CAMTA1: variants seen among roughly 807,000 people sequenced by gnomAD.
The protein encoded by CAMTA1 is calmodulin binding transcription activator 1.
CAMTA1 carries 27 observed loss-of-function variants against 170.9 expected under a neutral mutation model. The ratio of observed to expected loss-of-function variants is 0.16; its 90% CI spans 0.12 to 0.22. The LOEUF (loss-of-function observed/expected upper bound fraction) is 0.22. CAMTA1 is among the 10% of genes least tolerant of loss of function. The pLI is 1.00. For missense variants in CAMTA1, 1,619 were observed against 2,217.2 expected, an observed-to-expected ratio of 0.73 and a Z score of 5.42; for synonymous variants, 833 against 891.5, an observed-to-expected ratio of 0.93 and a Z score of 1.17.
At chr1:6,862,711 C>T (rs1054784621) in intron 3 of CAMTA1, among the ~76,000 whole-genome samples, 2 of 152,170 alleles carry the variant, frequency 1.3e-5, no homozygotes, top group African/African-American at 4.8e-5. Flanking sequence ...CTGTTTCTCT[C>T]CCACTTAGGA....
intron 17 of CAMTA1, among the ~76,000 whole-genome samples, 185 bp downstream of exon 17, chr1:7,745,207 T>A (rs959561501): frequency 1.3e-5 from 2 of 152,114 alleles, no homozygotes; most frequent in African/African-American, 4.8e-5. Flanking sequence ...CTCCCATTAT[T>A]TTTTTTACTG....
chr1:6,973,508 C>T (rs1443929977), intron 3 of CAMTA1, among the ~76,000 whole-genome samples: 1 of 152,216 alleles, frequency 6.6e-6, no homozygotes, highest in Non-Finnish European at 1.5e-5. Flanking sequence ...TCCCACGCTC[C>T]CTTTATGCAC....
intron 3 of CAMTA1, among the ~76,000 whole-genome samples, chr1:7,019,241 G>C (rs1358929307): frequency 6.6e-6 from 1 of 152,238 alleles, no homozygotes; most frequent in East Asian, 1.9e-4. Context: ...GGTTGGGCTG[G>C]GCAGCCTCTG....
At chr1:6,937,188 C>T (rs1386570646) in intron 3 of CAMTA1, among the ~76,000 whole-genome samples, 1 of 150,892 alleles carries the variant, frequency 6.6e-6, no homozygotes, top group Non-Finnish European at 1.5e-5. Flanking sequence ...TCACTGTCAT[C>T]ACCATAATCA....
chr1:7,097,625 C>T (rs776837375), intron 4 of CAMTA1, among the ~76,000 whole-genome samples: 1 of 152,176 alleles, frequency 6.6e-6, no homozygotes, highest in African/African-American at 2.4e-5. Flanking sequence ...TAAGGCTGCT[C>T]GAGTGACTGG....
chr1:6,895,807 G>A (rs1675518769), intron 3 of CAMTA1, among the ~76,000 whole-genome samples: 1 of 152,222 alleles, frequency 6.6e-6, no homozygotes, highest in Non-Finnish European at 1.5e-5. Flanking sequence ...CCTGATGACA[G>A]GTGATAGTCC....
At chr1:7,292,539 C>G (rs760207984) in intron 5 of CAMTA1, among the ~76,000 whole-genome samples, 1 of 152,134 alleles carries the variant, frequency 6.6e-6, no homozygotes, top group East Asian at 1.9e-4. Flanking sequence ...ATGATCCATA[C>G]GGGTACTGCC....
Position 7,732,062 on chromosome 1 carries a change from C to T in CAMTA1, c.2915-386C>T, listed in dbSNP as rs1028071212. On this transcript the variant is annotated intron_variant, in intron 11 of 22. Coordinates refer to ENST00000303635, the MANE Select transcript of CAMTA1 (RefSeq NM_015215.4). The surrounding 1 kb of genome is among the most constrained non-coding windows in gnomAD (Gnocchi z 4.1). The stretch of plus-strand genomic sequence containing the variant: ...ATACCTTCCTTTCTTGCTGTGATTG[C>T]TTTCTTCTACTAGTTTAATTTAAAT... Among the ~76,000 whole-genome samples the T allele has an allele frequency of 2.1e-5, 3 of 143,292 alleles. No homozygotes were observed. The highest frequency in any genetic ancestry group is 5.1e-5 in the African/African-American group (2 of 38,886). The allele number at this position is 143,292 out of a possible 152,430, so 94.0% of individuals were successfully genotyped here. A position where few individuals can be genotyped will look rare whatever the true frequency, so the allele number is the denominator to read the frequency against.
At chr1:7,122,696 C>CT (rs1436254469) in intron 4 of CAMTA1, among the ~76,000 whole-genome samples, 2 of 152,122 alleles carry the variant, frequency 1.3e-5, no homozygotes, top group African/African-American at 4.8e-5. Context: ...GCTGTTGTTG[C>CT]TGAGTGTGGC....
intron 6 of CAMTA1, among the ~76,000 whole-genome samples, chr1:7,526,752 T>C (rs2094436392): frequency 6.6e-6 from 1 of 152,146 alleles, no homozygotes; most frequent in Non-Finnish European, 1.5e-5. Context: ...CCTCAGGGCA[T>C]CCAAGGCCAG....
chr1:7,253,535 A>G lies in CAMTA1; in HGVS notation c.438+3909A>G, dbSNP rs138781853. Reference sequence around the variant, plus strand: ...TCCCACAACAGATGGGAGCCACACAATTACTACTGAGACAGTCATGGGCTT... The same window carrying G: ...TCCCACAACAGATGGGAGCCACACAGTTACTACTGAGACAGTCATGGGCTT... On this transcript the variant is annotated intron_variant, in intron 5 of 22. Coordinates refer to ENST00000303635, the MANE Select transcript of CAMTA1 (RefSeq NM_015215.4). 5.3e-5 allele frequency among the ~76,000 whole-genome samples: 8 copies of G among 152,300 alleles called. No individual in the cohort carries two copies. In the East Asian group the frequency reaches 1.5e-3, roughly 29 times the overall value.
intron 3 of CAMTA1, among the ~76,000 whole-genome samples, chr1:6,992,104 C>T (rs1696477401): frequency 6.6e-6 from 1 of 152,206 alleles, no homozygotes; most frequent in Non-Finnish European, 1.5e-5. Context: ...TAGTCTTACT[C>T]TGTCACCCAG....
At position 6,970,443 on chromosome 1, in the gene CAMTA1, G is replaced by A. The variant is rs1471433689; in HGVS notation, c.235-120861G>A. 2.0e-5 allele frequency among the ~76,000 whole-genome samples: 3 copies of A among 152,072 alleles called. No individual in the cohort carries two copies. The highest frequency in any genetic ancestry group is 2.9e-5 in the Non-Finnish European group (2 of 68,004). Reference sequence around the variant, plus strand: ...GGAGGCAGCAGAAGGAGTGGAGGCCGGTCCCAGACCAGCATCGGTGAGGAG... The same window carrying A: ...GGAGGCAGCAGAAGGAGTGGAGGCCAGTCCCAGACCAGCATCGGTGAGGAG... On this transcript the variant is annotated intron_variant, in intron 3 of 22. Transcript: ENST00000303635. The surrounding 1 kb of genome is among the most constrained non-coding windows in gnomAD (Gnocchi z 4.4).
At chr1:7,068,224 T>C (rs977411854) in intron 3 of CAMTA1, among the ~76,000 whole-genome samples, 1 of 152,176 alleles carries the variant, frequency 6.6e-6, no homozygotes. Context: ...CGCTTTAGCC[T>C]TTCTCCAGGC....
intron 11 of CAMTA1, among the ~76,000 whole-genome samples, chr1:7,703,039 T>C (rs2096459456): frequency 6.6e-6 from 1 of 152,122 alleles, no homozygotes; most frequent in South Asian, 2.1e-4. Context: ...GGGGGGTTGG[T>C]TTCCCGAGCC....
intron 3 of CAMTA1, among the ~76,000 whole-genome samples, chr1:6,869,237 G>A (rs1035194442): frequency 3.3e-5 from 5 of 152,124 alleles, no homozygotes; most frequent in African/African-American, 9.7e-5. Flanking sequence ...TGCTGCTGGC[G>A]CCTGGGAGTG....
chr1:6,925,647 T>G (rs1000491501), intron 3 of CAMTA1, among the ~76,000 whole-genome samples: 5 of 152,286 alleles, frequency 3.3e-5, no homozygotes, highest in Middle Eastern at 3.4e-3. Flanking sequence ...CTCTGGTTCC[T>G]TCTGCAGAGA....
intron 1 of CAMTA1, among the ~76,000 whole-genome samples, chr1:6,793,445 G>A (rs536877615): frequency 3.9e-5 from 6 of 152,194 alleles, no homozygotes; most frequent in Non-Finnish European, 8.8e-5. Flanking sequence ...AAATTACCAT[G>A]TCCCTATTTT....
intron 6 of CAMTA1, among the ~76,000 whole-genome samples, chr1:7,523,137 G>T (rs2094387873): frequency 6.6e-6 from 1 of 152,210 alleles, no homozygotes; most frequent in Non-Finnish European, 1.5e-5. Context: ...AAAGTTCTGG[G>T]ATTACAGGCG....
Sources: allele counts gnomAD v4.1 joint callset (sites outside exome capture counted in the v4.1 genomes callset), GRCh38; gene constraint gnomAD v4.1.1; non-coding constraint Gnocchi (gnomAD v3.1); transcripts MANE v1.5; gene names NCBI Gene and HGNC (gene_info 2026-07-23, HGNC 2026-07-21).